WDR11: variants seen among roughly 807,000 people sequenced by gnomAD.
WDR11 encodes the protein WD repeat domain 11, also known as WD repeat-containing protein 11.
A neutral mutation model predicts 151.2 loss-of-function variants in WDR11; 83 were observed. The ratio of observed to expected loss-of-function variants is 0.55; its 90% CI spans 0.46 to 0.66. WDR11 has a LOEUF of 0.66. Ranked by LOEUF, WDR11 falls within the 30% of genes least tolerant of loss-of-function variation. The pLI is 0.00. For missense variants in WDR11, 1,301 were observed against 1,480.9 expected, an observed-to-expected ratio of 0.88 and a Z score of 1.99; for synonymous variants, 484 against 533.1, an observed-to-expected ratio of 0.91 and a Z score of 1.27.
chr10:120,906,876 T>G lies in WDR11; in HGVS notation c.3517+21T>G, dbSNP rs184422397. ...CACAGATATCCTTTGCAAGGTTGTT[T>G]GTAGTGACGAGGAAGAAAGTGACAT... On this transcript the variant is annotated intron_variant, in intron 28 of 28. Transcript: ENST00000263461. 5.0e-6 allele frequency: 8 copies of G among 1,614,162 alleles called. No individual in the cohort carries two copies. The Admixed American group carries it at 5.0e-5, about 10-fold the overall frequency.
intron 19 of WDR11, among the ~76,000 whole-genome samples, chr10:120,895,653 CAAAT>C: frequency 6.6e-6 from 1 of 152,122 alleles, no homozygotes; most frequent in East Asian, 1.9e-4. Context: ...AACAGATAAA[CAAAT>C]GATGCTTCAA....
Position 120,889,931 on chromosome 10 carries a change from T to C in WDR11, c.2265T>C (p.Ile755=), listed in dbSNP as rs762859003. The change falls in exon 18 of 29, where the codon ATT becomes ATC. Residue 755 remains isoleucine, a synonymous_variant. Transcript: ENST00000263461. ...IPTHRSWVRK[I]RFAPGKGNQK... ...CACACCGAAGTTGGGTGAGGAAGAT[T>C]CGTTTTGCTCCTGGTAAAGGAAATC... is the stretch of plus-strand genomic sequence containing the variant. 6.2e-7 allele frequency: 1 copy of C among 1,614,136 alleles called. No individual in the cohort carries two copies. Among genetic ancestry groups the C allele is most frequent in the Middle Eastern group, 1.6e-4 (1 of 6,062 alleles).
chr10:120,860,357 TAC>T (rs1846099720), intron 4 of WDR11, 75 bp downstream of exon 4: 1 of 1,494,324 alleles, frequency 6.7e-7, no homozygotes, highest in African/African-American at 1.4e-5. Context: ...GCATGAGATA[TAC>T]ACACACATTA....
intron 14 of WDR11, 134 bp from the exon 15 acceptor site, chr10:120,885,680 A>G (rs1439819190): frequency 8.4e-7 from 1 of 1,192,086 alleles, no homozygotes; most frequent in Admixed American, 1.9e-5. Flanking sequence ...GGTAAAATCT[A>G]AAGAACAAAT....
intron 15 of WDR11, among the ~76,000 whole-genome samples, chr10:120,886,456 A>T (rs1026468759): frequency 6.6e-6 from 1 of 152,172 alleles, no homozygotes; most frequent in African/African-American, 2.4e-5. Context: ...TCTTGTGTTA[A>T]GTTTAGATCA....
intron 10 of WDR11, 120 bp downstream of exon 10, chr10:120,871,466 T>A: frequency 9.5e-7 from 1 of 1,056,086 alleles, no homozygotes; most frequent in Non-Finnish European, 1.4e-6. Flanking sequence ...AGAGACTAAG[T>A]GAAACTGTAA....
intron 2 of WDR11, among the ~76,000 whole-genome samples, chr10:120,856,575 CAAAAAAAAAA>C (rs71019798): frequency 9.8e-6 from 1 of 101,926 alleles, no homozygotes; most frequent in Admixed American, 1.1e-4. Flanking sequence ...ACTCTGTCTC[CAAAAAAAAAA>C]AAAAAAAAAA....
intron 2 of WDR11, 93 bp from the exon 3 acceptor site, chr10:120,858,550 A>G: frequency 7.0e-7 from 1 of 1,431,168 alleles, no homozygotes; most frequent in Non-Finnish European, 9.8e-7. Context: ...TGTAATATAA[A>G]TGTAGTATGG....
intron 28 of WDR11, 141 bp downstream of exon 28, chr10:120,906,996 G>C: frequency 1.5e-6 from 2 of 1,338,786 alleles, no homozygotes; most frequent in Non-Finnish European, 2.1e-6. Flanking sequence ...ATTCACCAAA[G>C]CCAGGAAAGA....
rs1025739521 is a variant in WDR11, at chr10:120,908,920, G to A, written c.*207G>A. The A allele has an allele frequency of 1.3e-5, 8 of 601,232 alleles. No individual in the cohort carries two copies. Among genetic ancestry groups the A allele is most frequent in the Admixed American group, 2.9e-5 (1 of 34,816 alleles). The allele number at this position is 601,232 out of a possible 1,614,324, so 37.2% of individuals were successfully genotyped here. ...ATCCTGCGTTGGTCTCAGAAAGAAC[G>A]TGAATGCTTAAGATTTTGAAAGTAC... On this transcript the variant is annotated 3_prime_UTR_variant, in exon 29 of 29. Transcript: ENST00000263461.
chr10:120,904,871 A>C, intron 25 of WDR11, 60 bp downstream of exon 25: 2 of 1,589,126 alleles, frequency 1.3e-6, no homozygotes, highest in Non-Finnish European at 1.7e-6. Flanking sequence ...TTCCCAGCAA[A>C]GTATCTGATT....
rs746670118 is a variant in WDR11 at position 120,909,355 on chromosome 10, C to G, written c.*642C>G. The G allele has an allele frequency of 6.5e-6, 1 of 153,416 alleles. No homozygotes were observed. Among genetic ancestry groups the G allele is most frequent in the Non-Finnish European group, 1.5e-5 (1 of 68,650 alleles). 9.5% of individuals were successfully genotyped at this position (153,416 alleles called of 1,614,324 possible). On this transcript the variant is annotated 3_prime_UTR_variant, in exon 29 of 29. Coordinates refer to ENST00000263461, the MANE Select transcript of WDR11 (RefSeq NM_018117.12). ...AGGTCTTTGATATTTTGAATTTTAA[C>G]TCCTTTTATGATACATCACAGTAAC...
chr10:120,906,425 A>G (rs889239538), intron 27 of WDR11: 146 of 1,246,078 alleles, frequency 1.2e-4, no homozygotes, highest in Non-Finnish European at 1.4e-4. Flanking sequence ...CTAATTGTGG[A>G]GCATTTCATT....
chr10:120,875,984 T>C (rs1384850750), intron 11 of WDR11, among the ~76,000 whole-genome samples: 1 of 147,932 alleles, frequency 6.8e-6, no homozygotes, highest in Non-Finnish European at 1.5e-5. Flanking sequence ...TTTTCTTTTT[T>C]TTTTTTTTTT....
chr10:120,860,393 T>G (rs1846101112), intron 4 of WDR11, 111 bp downstream of exon 4: 9 of 1,287,020 alleles, frequency 7.0e-6, no homozygotes, highest in Non-Finnish European at 9.8e-6. Context: ...TTAAAATGAC[T>G]GAGCGAAGTG....
rs1486366760 is a variant in WDR11, at chr10:120,897,023, T to G, written c.2516-3006T>G. Among the ~76,000 whole-genome samples, 3 of 152,192 alleles carry G rather than the reference T, an allele frequency of 2.0e-5. No individual in the cohort carries two copies. In the East Asian group the frequency reaches 5.8e-4, roughly 29 times the overall value. ...AGGCACAAAAGGTGCAAGATGGGTC[T>G]GGGGCATCTTGTGGTGCCAGAATTC... is the stretch of plus-strand genomic sequence containing the variant. On this transcript the variant is annotated intron_variant, in intron 19 of 28. Transcript: ENST00000263461.
intron 14 of WDR11, among the ~76,000 whole-genome samples, chr10:120,884,769 C>T (rs1179265856): frequency 6.6e-6 from 1 of 152,016 alleles, no homozygotes. Context: ...AAAGCGGGAA[C>T]CCTAGTGAGA....
intron 26 of WDR11, 161 bp from the exon 27 acceptor site, chr10:120,905,715 C>T (rs1036805566): frequency 8.5e-6 from 11 of 1,301,656 alleles, no homozygotes; most frequent in African/African-American, 2.9e-5. Flanking sequence ...AGGCACAGAC[C>T]GTTATCATTA....
chr10:120,886,407 G>GC (rs1361686532), intron 15 of WDR11, among the ~76,000 whole-genome samples: 1 of 152,100 alleles, frequency 6.6e-6, no homozygotes, highest in Non-Finnish European at 1.5e-5. Context: ...CTTCTGTTGA[G>GC]CACAGTTCTA....
Sources: allele counts gnomAD v4.1 joint callset (sites outside exome capture counted in the v4.1 genomes callset), GRCh38; gene constraint gnomAD v4.1.1; transcripts MANE v1.5; gene names NCBI Gene and HGNC (gene_info 2026-07-23, HGNC 2026-07-21).